TMEM131: variants seen among roughly 807,000 people sequenced by gnomAD.
TMEM131 encodes transmembrane protein 131.
TMEM131 carries 66 observed loss-of-function variants against 211.6 expected under a neutral mutation model. The ratio of observed to expected loss-of-function variants is 0.31; its 90% CI spans 0.26 to 0.38. TMEM131 has a LOEUF of 0.38. Among genes scored for constraint, TMEM131 ranks in the 10% least tolerant of loss-of-function variants. TMEM131 has a pLI of 1.00. For synonymous variants in TMEM131, 844 were observed against 841.3 expected (o/e 1.00, Z -0.06); for missense variants, 2,036 against 2,299.3 (o/e 0.89, Z 2.34).
At chr2:97,804,501 A>C (rs1486165311) in intron 22 of TMEM131, among the ~76,000 whole-genome samples, 3 of 152,008 alleles carry the variant, frequency 2.0e-5, no homozygotes, top group African/African-American at 7.2e-5. Context: ...TATCTCTACC[A>C]AAAATACAAA....
intron 5 of TMEM131, among the ~76,000 whole-genome samples, chr2:97,852,560 G>A (rs1484020005): frequency 1.3e-5 from 2 of 152,238 alleles, no homozygotes; most frequent in Non-Finnish European, 2.9e-5. Flanking sequence ...CAGAATAGCT[G>A]AAAGCTAAAA....
rs78478738 is a variant in TMEM131, at chr2:97,856,495, T to C, written c.483+2809A>G. On this transcript the variant is annotated intron_variant, in intron 5 of 40. Transcript: ENST00000186436. ...CTTAGTTTGAACAATAATTAAAAAATAGTCTTTTCTGTATTTCCTACTTTT... is the reference window on the plus strand; with the variant it reads ...CTTAGTTTGAACAATAATTAAAAAACAGTCTTTTCTGTATTTCCTACTTTT... Among the ~76,000 whole-genome samples, 35 of 152,298 alleles carry C rather than the reference T, an allele frequency of 2.3e-4. No homozygotes were observed. The East Asian group carries it at 6.2e-3, about 27-fold the overall frequency.
intron 31 of TMEM131, among the ~76,000 whole-genome samples, chr2:97,780,453 A>T (rs1679943183): frequency 1.3e-5 from 2 of 150,676 alleles, no homozygotes; most frequent in Non-Finnish European, 3.0e-5. Flanking sequence ...CTCCCACCCC[A>T]CTCCGTTTTC....
chr2:97,881,722 A>G lies in TMEM131; in HGVS notation c.359+6330T>C, dbSNP rs1341596583. On this transcript the variant is annotated intron_variant, in intron 4 of 40. Transcript: ENST00000186436. ...TGGATAACTGCAAAAAAAAAAAAAA[A>G]AGGGGGGGGGGCGGGGGAGGTAGAT... 1.3e-3 allele frequency among the ~76,000 whole-genome samples: 79 copies of G among 60,800 alleles called. 1 individual carries two copies. The East Asian group carries it at 0.019, about 15-fold the overall frequency. The allele number at this position is 60,800 out of a possible 152,430, so 39.9% of individuals were successfully genotyped here.
At chr2:97,944,879 C>T (rs1431617813) in intron 1 of TMEM131, among the ~76,000 whole-genome samples, 1 of 152,032 alleles carries the variant, frequency 6.6e-6, no homozygotes, top group Admixed American at 6.6e-5. Context: ...AATGGAGCAG[C>T]CACACTGGAA....
At chr2:97,758,243 T>C (rs368443436) in intron 40 of TMEM131, among the ~76,000 whole-genome samples, 2 of 152,240 alleles carry the variant, frequency 1.3e-5, no homozygotes, top group African/African-American at 4.8e-5. Flanking sequence ...ATCTGTAAAG[T>C]TGAAATATCT....
chr2:97,965,332 G>T (rs1679007497), intron 1 of TMEM131, among the ~76,000 whole-genome samples: 1 of 152,150 alleles, frequency 6.6e-6, no homozygotes, highest in Non-Finnish European at 1.5e-5. Flanking sequence ...TAAGAACAAA[G>T]AGCTTGTAAA....
At chr2:97,759,352 C>A (rs1678689049) in intron 39 of TMEM131, 1 of 530,236 alleles carries the variant, frequency 1.9e-6, no homozygotes. Context: ...AAGAAGAGGA[C>A]CCCTGGCACA....
intron 3 of TMEM131, among the ~76,000 whole-genome samples, chr2:97,903,570 T>A (rs745431250): frequency 5.9e-5 from 9 of 152,204 alleles, no homozygotes; most frequent in Non-Finnish European, 1.3e-4. Context: ...AGACGCCAAG[T>A]GCTTCCTGAT....
chr2:97,993,233 A>G (rs753727125), intron 1 of TMEM131, among the ~76,000 whole-genome samples: 3 of 152,244 alleles, frequency 2.0e-5, no homozygotes, highest in Non-Finnish European at 4.4e-5. Context: ...TTGAAATTTT[A>G]AACTAGTTTA....
At chr2:97,869,159 A>G (rs772706768) in intron 4 of TMEM131, among the ~76,000 whole-genome samples, 6 of 152,246 alleles carry the variant, frequency 3.9e-5, no homozygotes, top group Admixed American at 6.5e-5. Context: ...GCAACCATTC[A>G]TGCACATCCC....
intron 38 of TMEM131, 120 bp from the exon 39 acceptor site, chr2:97,759,869 T>G: frequency 1.4e-6 from 1 of 721,526 alleles, no homozygotes; most frequent in East Asian, 2.7e-5. Context: ...ACTCAAATAT[T>G]AAAAACAGAC....
intron 28 of TMEM131, 54 bp downstream of exon 28, chr2:97,796,164 C>T (rs1233713156): frequency 1.9e-6 from 2 of 1,074,276 alleles, no homozygotes; most frequent in African/African-American, 3.3e-5. Flanking sequence ...CATATCTTTG[C>T]ACAGAGTTTG....
chr2:97,822,273 C>T (rs975540907), intron 11 of TMEM131, among the ~76,000 whole-genome samples: 13 of 152,130 alleles, frequency 8.5e-5, no homozygotes, highest in Non-Finnish European at 2.9e-5. Flanking sequence ...GGCAGGGGGA[C>T]TACCTGGAAT....
chr2:97,766,443 G>T (rs374567216), intron 34 of TMEM131, 35 bp downstream of exon 34: 2 of 1,613,584 alleles, frequency 1.2e-6, no homozygotes, highest in African/African-American at 1.3e-5. Flanking sequence ...GAAAAGATCC[G>T]TAAGACATGA....
intron 15 of TMEM131, 24 bp from the exon 16 acceptor site, chr2:97,812,773 A>G: frequency 7.4e-7 from 1 of 1,352,938 alleles, no homozygotes; most frequent in Non-Finnish European, 1.0e-6. Context: ...AAAGAACCAG[A>G]TTAAAAAAAA....
At chr2:97,778,728 C>T (rs1401191582) in intron 31 of TMEM131, among the ~76,000 whole-genome samples, 1 of 152,176 alleles carries the variant, frequency 6.6e-6, no homozygotes, top group Non-Finnish European at 1.5e-5. Context: ...CCTATCATTC[C>T]TCATTCTACA....
intron 31 of TMEM131, among the ~76,000 whole-genome samples, chr2:97,784,707 A>G (rs1680170488): frequency 6.6e-6 from 1 of 152,086 alleles, no homozygotes; most frequent in South Asian, 2.1e-4. Flanking sequence ...AAAGAGCAGA[A>G]AAATAAATCT....
At chr2:97,821,971 A>T (rs1352810612) in intron 11 of TMEM131, among the ~76,000 whole-genome samples, 1 of 152,160 alleles carries the variant, frequency 6.6e-6, no homozygotes, top group African/African-American at 2.4e-5. Flanking sequence ...AAGTTGGTTG[A>T]CTGTGGCCAT....
Sources: allele counts gnomAD v4.1 joint callset (sites outside exome capture counted in the v4.1 genomes callset), GRCh38; gene constraint gnomAD v4.1.1; transcripts MANE v1.5; gene names NCBI Gene and HGNC (gene_info 2026-07-23, HGNC 2026-07-21).